Variants in RPS6KC1 observed in about 807,000 individuals in gnomAD.
RPS6KC1 encodes the protein ribosomal protein S6 kinase C1.
RPS6KC1 carries 54 observed loss-of-function variants against 103.8 expected under a neutral mutation model. That is an observed-to-expected ratio of 0.52 (90% CI 0.42 to 0.65). RPS6KC1 has a LOEUF of 0.65. Ranked by LOEUF, RPS6KC1 falls within the 30% of genes least tolerant of loss-of-function variation. The probability of loss-of-function intolerance (pLI) is 0.00; values close to 1 mark genes in which losing one functional copy is unlikely to be tolerated. For missense variants in RPS6KC1, 1,151 were observed against 1,253.8 expected (o/e 0.92, Z 1.24); for synonymous variants, 439 against 438.7 (o/e 1.00, Z -0.01).
chr1:213,594,334 C>T, the RPS6KC1 span, among the ~76,000 whole-genome samples: 1 of 151,952 alleles, frequency 6.6e-6, no homozygotes, highest in East Asian at 1.9e-4. Context: ...GTAAAATATG[C>T]CATTTAAAAT....
chr1:213,357,676 A>G, the RPS6KC1 span, among the ~76,000 whole-genome samples: 2 of 152,226 alleles, frequency 1.3e-5, no homozygotes, highest in Non-Finnish European at 2.9e-5. Flanking sequence ...GTGGAGACCA[A>G]AGAAAGTGCC....
intron 1 of RPS6KC1, among the ~76,000 whole-genome samples, chr1:213,063,821 C>A (rs2078053296): frequency 6.6e-6 from 1 of 152,090 alleles, no homozygotes; most frequent in Admixed American, 6.6e-5. Context: ...TAAGCCCTTC[C>A]TGTGAGATCA....
the RPS6KC1 span, among the ~76,000 whole-genome samples, chr1:213,434,434 T>G: frequency 2.0e-5 from 3 of 152,256 alleles, no homozygotes; most frequent in Admixed American, 6.5e-5. Flanking sequence ...GCTACCATTA[T>G]TATCTTTGTT....
At chr1:213,707,122 A>G in the RPS6KC1 span, among the ~76,000 whole-genome samples, 2 of 152,218 alleles carry the variant, frequency 1.3e-5, no homozygotes, top group South Asian at 4.1e-4. Flanking sequence ...AGGAATCACC[A>G]CACTGTCTTC....
the RPS6KC1 span, among the ~76,000 whole-genome samples, chr1:213,647,138 T>C: frequency 2.0e-5 from 3 of 152,042 alleles, no homozygotes; most frequent in Non-Finnish European, 4.4e-5. Flanking sequence ...CTCGAACTCC[T>C]GACCTCAGGT....
rs762551179 is a variant in RPS6KC1, at chr1:213,241,157, C to T, written c.1681C>T (p.Pro561Ser). 6 of 1,613,750 alleles carry T rather than the reference C, an allele frequency of 3.7e-6. No homozygotes were observed. Among genetic ancestry groups the T allele is most frequent in the Non-Finnish European group, 5.1e-6 (6 of 1,179,934 alleles). ...ACACCTTGCTGCTGACAGTGACAGCCCCAGCACACAGCTGAGAGCTCACGA... is the reference window on the plus strand; with the variant it reads ...ACACCTTGCTGCTGACAGTGACAGCTCCAGCACACAGCTGAGAGCTCACGA... ...PAHLAADSDS[P>S]STQLRAHELK... Residue 561 changes from proline to serine, a missense_variant, in exon 11 of 15, where the codon CCC (proline) becomes TCC (serine). Coordinates refer to ENST00000366960, the MANE Select transcript of RPS6KC1 (RefSeq NM_012424.6).
At chr1:213,625,299 T>TA in the RPS6KC1 span, among the ~76,000 whole-genome samples, 1 of 152,394 alleles carries the variant, frequency 6.6e-6, no homozygotes, top group Non-Finnish European at 1.5e-5. Flanking sequence ...TTGTATGTCT[T>TA]AGAGACTTTG....
chr1:213,495,386 A>C, the RPS6KC1 span, among the ~76,000 whole-genome samples: 1 of 152,060 alleles, frequency 6.6e-6, no homozygotes, highest in Non-Finnish European at 1.5e-5. Flanking sequence ...CAGTGGCACA[A>C]TCTCAGCTTA....
the RPS6KC1 span, among the ~76,000 whole-genome samples, chr1:213,799,305 G>C: frequency 1.3e-5 from 2 of 152,126 alleles, no homozygotes; most frequent in Non-Finnish European, 1.5e-5. Context: ...ATATTTAAAA[G>C]CTCCCTTGGT....
the RPS6KC1 span, among the ~76,000 whole-genome samples, chr1:213,775,321 G>A: frequency 6.6e-6 from 1 of 152,004 alleles, no homozygotes. Flanking sequence ...TTATTGTTGG[G>A]CAGGGAGATC....
intron 1 of RPS6KC1, among the ~76,000 whole-genome samples, chr1:213,062,092 A>T (rs2077890976): frequency 6.6e-6 from 1 of 152,084 alleles, no homozygotes; most frequent in Admixed American, 6.6e-5. Context: ...AGTTTGAATA[A>T]TTTTTGTAGT....
chr1:213,516,895 T>C, the RPS6KC1 span, among the ~76,000 whole-genome samples: 60 of 152,272 alleles, frequency 3.9e-4, no homozygotes, highest in African/African-American at 1.4e-3. Context: ...ATTATTGCCT[T>C]CATTTCAGAG....
chr1:213,060,864 C>G (rs987486451), intron 1 of RPS6KC1, among the ~76,000 whole-genome samples: 7 of 152,168 alleles, frequency 4.6e-5, no homozygotes, highest in African/African-American at 1.7e-4. Context: ...GCCACAACTC[C>G]TTACTGTCTT....
chr1:213,635,924 A>G, the RPS6KC1 span, among the ~76,000 whole-genome samples: 1 of 152,266 alleles, frequency 6.6e-6, no homozygotes, highest in Non-Finnish European at 1.5e-5. Context: ...GCAAAGTCTC[A>G]GGATACAAAA....
intron 8 of RPS6KC1, among the ~76,000 whole-genome samples, chr1:213,221,724 G>A (rs1380155535): frequency 6.6e-6 from 1 of 152,090 alleles, no homozygotes; most frequent in Non-Finnish European, 1.5e-5. Context: ...TCCTAACCTG[G>A]TTCTTTTTCC....
chr1:213,137,630 G>A (rs2086441099), intron 6 of RPS6KC1, among the ~76,000 whole-genome samples: 1 of 151,454 alleles, frequency 6.6e-6, no homozygotes, highest in Non-Finnish European at 1.5e-5. Context: ...ACCGTGCCTT[G>A]CCAAAGCCTG....
chr1:213,687,393 G>A, the RPS6KC1 span, among the ~76,000 whole-genome samples: 6 of 152,104 alleles, frequency 3.9e-5, no homozygotes, highest in Middle Eastern at 3.4e-3. Context: ...AGCTCTTCCC[G>A]TCTAGTATAC....
the RPS6KC1 span, among the ~76,000 whole-genome samples, chr1:213,363,684 TTCTTTCTTTC>T: frequency 9.5e-6 from 1 of 104,750 alleles, no homozygotes; most frequent in East Asian, 2.1e-4. Context: ...CTTTCTTTCT[TTCTTTCTTTC>T]TTTCTTTCCT....
At chr1:213,621,561 C>T in the RPS6KC1 span, among the ~76,000 whole-genome samples, 7 of 151,416 alleles carry the variant, frequency 4.6e-5, no homozygotes, top group East Asian at 5.9e-4. Flanking sequence ...TATTCCCTGA[C>T]GTGTAAAAAT....
Sources: allele counts gnomAD v4.1 joint callset (sites outside exome capture counted in the v4.1 genomes callset), GRCh38; gene constraint gnomAD v4.1.1; transcripts MANE v1.5; gene names NCBI Gene and HGNC (gene_info 2026-07-23, HGNC 2026-07-21).